FAM13A: variants seen among roughly 807,000 people sequenced by gnomAD.
FAM13A encodes the protein family with sequence similarity 13 member A, also known as protein FAM13A.
Under a neutral mutation model 129.6 loss-of-function variants are expected in FAM13A, and 76 were observed. The observed-to-expected ratio is 0.59, with a 90% CI of 0.49 to 0.71. The LOEUF (loss-of-function observed/expected upper bound fraction) is 0.71. Ranked by LOEUF, FAM13A falls within the 30% of genes least tolerant of loss-of-function variation. FAM13A has a pLI of 0.00. For missense variants in FAM13A, 1,108 were observed against 1,249.3 expected (o/e 0.89, Z 1.70); for synonymous variants, 443 against 449.9 (o/e 0.98, Z 0.20).
chr4:88,833,801 G>A (rs576018625), intron 7 of FAM13A, among the ~76,000 whole-genome samples: 14 of 152,210 alleles, frequency 9.2e-5, no homozygotes, highest in African/African-American at 3.1e-4. Flanking sequence ...GAGGAGAATC[G>A]CTTGAACCTG....
intron 7 of FAM13A, among the ~76,000 whole-genome samples, chr4:88,808,675 G>T (rs11938303): frequency 0.019 from 2,878 of 151,994 alleles, 108 homozygotes; most frequent in African/African-American, 0.066. Context: ...GAATTCATTC[G>T]ATTTCCTCCT....
chr4:89,025,599 C>T (rs75488114), intron 2 of FAM13A, among the ~76,000 whole-genome samples: 2,010 of 152,244 alleles, frequency 0.013, 50 homozygotes, highest in African/African-American at 0.046. Context: ...AGACTGGAAA[C>T]AATCCATTTG....
intron 6 of FAM13A, among the ~76,000 whole-genome samples, chr4:88,901,668 T>A (rs1054999550): frequency 6.6e-6 from 1 of 150,642 alleles, no homozygotes; most frequent in Non-Finnish European, 1.5e-5. Flanking sequence ...TAGCACTAAA[T>A]GCCTAACATC....
chr4:88,990,421 G>GT (rs1762791560), intron 4 of FAM13A: 1 of 152,090 alleles, frequency 6.6e-6, no homozygotes, highest in Non-Finnish European at 1.5e-5. Flanking sequence ...CACATTTCAC[G>GT]TATCAAAAAT....
Position 88,906,552 on chromosome 4 carries a change from G to A in FAM13A, c.760-90C>T, listed in dbSNP as rs533724994. ...AGGTAGTGAAAAACAGTTTTGAAGAGAGAGCATTTCTGGATTGAGTTGTTC... is the reference window on the plus strand; with the variant it reads ...AGGTAGTGAAAAACAGTTTTGAAGAAAGAGCATTTCTGGATTGAGTTGTTC... On this transcript the variant is annotated intron_variant, in intron 5 of 23. Transcript: ENST00000264344. 6 of 840,392 alleles carry A rather than the reference G, an allele frequency of 7.1e-6. No individual in the cohort carries two copies. The African/African-American group carries it at 8.6e-5, about 12-fold the overall frequency. The allele number at this position is 840,392 out of a possible 1,614,324, so 52.1% of individuals were successfully genotyped here. A position where few individuals can be genotyped will look rare whatever the true frequency, so the allele number is the denominator to read the frequency against.
intron 7 of FAM13A, chr4:88,823,154 G>A: frequency 6.6e-7 from 1 of 1,505,870 alleles, no homozygotes; most frequent in Non-Finnish European, 8.8e-7. Context: ...TTGCTCTGCA[G>A]TTGGCCAGTC....
chr4:89,002,193 A>AAG (rs1764348983), intron 3 of FAM13A, among the ~76,000 whole-genome samples: 1 of 150,308 alleles, frequency 6.7e-6, no homozygotes, highest in Non-Finnish European at 1.5e-5. Flanking sequence ...AAAAAAAAAA[A>AAG]AGAACAGCAG....
intron 2 of FAM13A, among the ~76,000 whole-genome samples, chr4:89,026,467 G>T (rs538280795): frequency 2.0e-4 from 31 of 152,112 alleles, no homozygotes; most frequent in Non-Finnish European, 4.4e-4. Flanking sequence ...ATATAATTTT[G>T]TCATAAAGAA....
chr4:88,946,891 T>A (rs1333925605), intron 4 of FAM13A, among the ~76,000 whole-genome samples: 1 of 152,058 alleles, frequency 6.6e-6, no homozygotes, highest in African/African-American at 2.4e-5. Context: ...TCAGCTGGAA[T>A]GACAAAAACT....
At chr4:88,749,323 G>A (rs367797259) in intron 16 of FAM13A, among the ~76,000 whole-genome samples, 8 of 152,166 alleles carry the variant, frequency 5.3e-5, no homozygotes, top group African/African-American at 1.7e-4. Context: ...GGTTCAACCT[G>A]TAAGACGAAC....
intron 6 of FAM13A, among the ~76,000 whole-genome samples, chr4:88,867,739 T>C (rs750877705): frequency 1.2e-4 from 19 of 152,230 alleles, no homozygotes; most frequent in Non-Finnish European, 2.8e-4. Flanking sequence ...TACAGCATGA[T>C]ACTTCAACAA....
intron 7 of FAM13A, among the ~76,000 whole-genome samples, chr4:88,830,424 T>C (rs1733706618): frequency 6.6e-6 from 1 of 152,124 alleles, no homozygotes; most frequent in Admixed American, 6.5e-5. Flanking sequence ...GGTACTACTA[T>C]TTTCTTGAGT....
At chr4:88,850,940 A>T in intron 7 of FAM13A, 80 bp downstream of exon 7, 1 of 1,285,380 alleles carries the variant, frequency 7.8e-7, no homozygotes, top group Non-Finnish European at 1.1e-6. Flanking sequence ...AGATCAATGC[A>T]GAAATACCTA....
At chr4:88,945,990 G>GTGTGTGTGTGTATGTATATATATATATA in intron 4 of FAM13A, among the ~76,000 whole-genome samples, 5 of 61,960 alleles carry the variant, frequency 8.1e-5, no homozygotes, top group African/African-American at 4.3e-4. Context: ...GTGTGTGTGT[G>GTGTGTGTGTGTATGTATATATATATATA]TATATATATA....
intron 7 of FAM13A, among the ~76,000 whole-genome samples, chr4:88,819,754 C>T (rs1731517401): frequency 1.3e-5 from 2 of 152,060 alleles, no homozygotes; most frequent in South Asian, 4.2e-4. Context: ...TAAGAATATC[C>T]ATATAAGTTG....
At position 88,906,479 on chromosome 4, in the gene FAM13A, A is replaced by T; in HGVS notation, c.760-17T>A. 6.5e-7 allele frequency: 1 copy of T among 1,541,772 alleles called. No individual in the cohort carries two copies. Among genetic ancestry groups the T allele is most frequent in the South Asian group, 1.2e-5 (1 of 86,042 alleles). ...ATAGACCTCCTACAAAAGAAGTATAAAGGAAACATTAGAGATTAAAGAACA... is the reference window on the plus strand; with the variant it reads ...ATAGACCTCCTACAAAAGAAGTATATAGGAAACATTAGAGATTAAAGAACA... On this transcript the variant is annotated splice_polypyrimidine_tract_variant and intron_variant, in intron 5 of 23. Coordinates refer to ENST00000264344, the MANE Select transcript of FAM13A (RefSeq NM_014883.4).
chr4:88,881,096 A>G (rs930535304), intron 6 of FAM13A, among the ~76,000 whole-genome samples: 1 of 152,178 alleles, frequency 6.6e-6, no homozygotes, highest in Admixed American at 6.6e-5. Context: ...GGCGCTGCCC[A>G]CCGCCTAATC....
chr4:88,889,034 C>CAGGGGAATAATGACAAGG (rs1241098911), intron 6 of FAM13A, among the ~76,000 whole-genome samples: 1 of 151,976 alleles, frequency 6.6e-6, no homozygotes, highest in Non-Finnish European at 1.5e-5. Flanking sequence ...TACCCACTCC[C>CAGGGGAATAATGACAAGG]AGGGGAATAA....
chr4:88,858,611 A>T (rs1389782483), intron 6 of FAM13A, among the ~76,000 whole-genome samples: 1 of 152,226 alleles, frequency 6.6e-6, no homozygotes, highest in Non-Finnish European at 1.5e-5. Flanking sequence ...TCCTGAAAAC[A>T]TTATGCCAAG....
Sources: allele counts gnomAD v4.1 joint callset (sites outside exome capture counted in the v4.1 genomes callset), GRCh38; gene constraint gnomAD v4.1.1; transcripts MANE v1.5; gene names NCBI Gene and HGNC (gene_info 2026-07-23, HGNC 2026-07-21).